Variants in SUMF1 observed in about 807,000 individuals in gnomAD.
The protein encoded by SUMF1 is sulfatase modifying factor 1, also known as formylglycine-generating enzyme.
SUMF1 carries 48 observed loss-of-function variants against 47.6 expected under a neutral mutation model. The ratio of observed to expected loss-of-function variants is 1.01; its 90% CI spans 0.80 to 1.28. The LOEUF (loss-of-function observed/expected upper bound fraction) is 1.28. Among genes scored for constraint, SUMF1 ranks in the 50% most tolerant of loss-of-function variants. The pLI is 0.00. For synonymous variants in SUMF1, 230 were observed against 192.1 expected, an observed-to-expected ratio of 1.20 and a Z score of -1.63; for missense variants, 571 against 485.4, an observed-to-expected ratio of 1.18 and a Z score of -1.66.
intron 8 of SUMF1, among the ~76,000 whole-genome samples, chr3:4,099,211 A>G (rs1692974817): frequency 6.6e-6 from 1 of 152,006 alleles, no homozygotes; most frequent in African/African-American, 2.4e-5. Context: ...CCCTTGCTAT[A>G]CACCTCCCCA....
At chr3:4,428,965 T>G (rs1035003675) in intron 3 of SUMF1, among the ~76,000 whole-genome samples, 3 of 152,222 alleles carry the variant, frequency 2.0e-5, no homozygotes, top group African/African-American at 4.8e-5. Flanking sequence ...TTCATAACGA[T>G]CACTTTCAGT....
Position 4,163,344 on chromosome 3 carries a change from G to A in SUMF1, c.1015-94599C>T, listed in dbSNP as rs1207075167. On this transcript the variant is annotated intron_variant and NMD_transcript_variant, in intron 8 of 12. Transcript: ENST00000448413. ...CCTTTTCATGCAGATGAGAGAGAGA[G>A]AGAGACAGAGAGAGAGAGAAAGGAA... Among the ~76,000 whole-genome samples the A allele has an allele frequency of 4.3e-5, 4 of 94,008 alleles. No individual in the cohort carries two copies. In the East Asian group the frequency reaches 1.2e-3, roughly 28 times the overall value. 61.7% of individuals were successfully genotyped at this position (94,008 alleles called of 152,430 possible).
At chr3:4,078,447 A>G (rs1048407455) in intron 8 of SUMF1, among the ~76,000 whole-genome samples, 5 of 152,204 alleles carry the variant, frequency 3.3e-5, no homozygotes, top group African/African-American at 9.7e-5. Context: ...CATTAGTTAC[A>G]GAAACGGCCC....
chr3:4,143,542 T>A (rs928530879), intron 8 of SUMF1, among the ~76,000 whole-genome samples: 1 of 152,176 alleles, frequency 6.6e-6, no homozygotes, highest in Non-Finnish European at 1.5e-5. Flanking sequence ...ATTTTGACAT[T>A]ATTATTATTT....
chr3:4,436,210 T>C (rs1702391241), intron 3 of SUMF1, among the ~76,000 whole-genome samples: 1 of 152,212 alleles, frequency 6.6e-6, no homozygotes, highest in East Asian at 1.9e-4. Context: ...CCAATGTATG[T>C]ACATGTAATA....
chr3:4,259,795 A>C (rs1006052306), intron 8 of SUMF1, among the ~76,000 whole-genome samples: 2 of 152,202 alleles, frequency 1.3e-5, no homozygotes, highest in Non-Finnish European at 2.9e-5. Context: ...TATCATTTGC[A>C]CCAAGGATAG....
intron 5 of SUMF1, among the ~76,000 whole-genome samples, chr3:4,417,634 A>G (rs1289525355): frequency 1.3e-5 from 2 of 152,236 alleles, no homozygotes; most frequent in East Asian, 3.9e-4. Flanking sequence ...TGAACCCAAC[A>G]TGAGTTTTCT....
intron 9 of SUMF1, among the ~76,000 whole-genome samples, chr3:4,067,030 T>A (rs1695394839): frequency 6.6e-6 from 1 of 152,190 alleles, no homozygotes; most frequent in Admixed American, 6.5e-5. Flanking sequence ...CATTATCCCC[T>A]GGTAATCAGG....
chr3:4,307,901 T>C (rs1373623613), intron 8 of SUMF1, among the ~76,000 whole-genome samples: 1 of 152,068 alleles, frequency 6.6e-6, no homozygotes, highest in East Asian at 1.9e-4. Flanking sequence ...TATTTTAAAT[T>C]AACCAGACAT....
rs914197750 is a variant in SUMF1 at position 4,165,872 on chromosome 3, C to A, written c.1015-97127G>T. Among the ~76,000 whole-genome samples the A allele has an allele frequency of 6.4e-5, 9 of 140,854 alleles. No homozygotes were observed. The South Asian group carries it at 1.2e-3, about 19-fold the overall frequency. The allele number at this position is 140,854 out of a possible 152,430, so 92.4% of individuals were successfully genotyped here. On this transcript the variant is annotated intron_variant and NMD_transcript_variant, in intron 8 of 12. Coordinates refer to the SUMF1 transcript ENST00000448413. ...TTTGATTTGTTTGTTTCCCCCCCCC[C>A]CCCGAGCAAGAACCTGCAATGGTCC...
chr3:4,267,615 G>T (rs558449044), intron 8 of SUMF1, among the ~76,000 whole-genome samples: 68 of 152,084 alleles, frequency 4.5e-4, no homozygotes, highest in African/African-American at 1.6e-3. Flanking sequence ...CATTTATGCA[G>T]CCAAAAAACA....
chr3:4,431,444 C>T (rs984151970), intron 3 of SUMF1, among the ~76,000 whole-genome samples: 1 of 152,222 alleles, frequency 6.6e-6, no homozygotes, highest in African/African-American at 2.4e-5. Flanking sequence ...CCCATAAAAG[C>T]CCTGCACTCA....
chr3:4,197,720 A>T (rs887095194), intron 8 of SUMF1, among the ~76,000 whole-genome samples: 1 of 152,142 alleles, frequency 6.6e-6, no homozygotes, highest in African/African-American at 2.4e-5. Context: ...TTGTCTATCC[A>T]AACATGTCAG....
chr3:4,442,009 A>G (rs781309529), intron 3 of SUMF1, among the ~76,000 whole-genome samples: 8 of 152,222 alleles, frequency 5.3e-5, no homozygotes. Context: ...CAACGGCCAT[A>G]CAACCTGCAT....
chr3:4,410,091 A>T (rs1559281108), intron 7 of SUMF1, among the ~76,000 whole-genome samples: 1 of 152,202 alleles, frequency 6.6e-6, no homozygotes, highest in Non-Finnish European at 1.5e-5. Context: ...ACTTTGCTAG[A>T]GATGGGATTT....
intron 8 of SUMF1, among the ~76,000 whole-genome samples, chr3:4,367,180 A>G (rs1241822286): frequency 6.6e-6 from 1 of 152,182 alleles, no homozygotes; most frequent in Non-Finnish European, 1.5e-5. Context: ...TCAGGGACCC[A>G]CTTGAGGAGG....
intron 8 of SUMF1, among the ~76,000 whole-genome samples, chr3:4,193,478 G>A (rs1484813259): frequency 6.6e-6 from 1 of 152,086 alleles, no homozygotes; most frequent in Non-Finnish European, 1.5e-5. Flanking sequence ...TTTGTGGCTG[G>A]CATTTTAATT....
intron 9 of SUMF1, among the ~76,000 whole-genome samples, chr3:4,053,706 G>C (rs1356105493): frequency 6.6e-6 from 1 of 152,032 alleles, no homozygotes; most frequent in Non-Finnish European, 1.5e-5. Context: ...TTTTTGAAGT[G>C]GAAGGAAATT....
intron 1 of SUMF1, among the ~76,000 whole-genome samples, chr3:4,456,020 A>G (rs1703148541): frequency 6.6e-6 from 1 of 152,242 alleles, no homozygotes; most frequent in South Asian, 2.1e-4. Context: ...AAGGGATCAT[A>G]TACCAAAATT....
Sources: gnomAD v4.1 joint callset for allele counts (sites outside exome capture counted in the v4.1 genomes callset) on GRCh38, gnomAD v4.1.1 for gene constraint, MANE v1.5 for transcripts, NCBI Gene and HGNC (gene_info 2026-07-23, HGNC 2026-07-21) for gene names.